FOXP1: variants seen among roughly 807,000 people sequenced by gnomAD.
The protein encoded by FOXP1 is forkhead box protein P1.
FOXP1 carries 15 observed loss-of-function variants against 98.2 expected under a neutral mutation model. The observed-to-expected ratio is 0.15, with a 90% CI of 0.10 to 0.24. The LOEUF (loss-of-function observed/expected upper bound fraction) is 0.24, where lower values mean the gene tolerates loss of function less well. FOXP1 is among the 10% of genes least tolerant of loss of function. FOXP1 has a pLI of 1.00. For synonymous variants in FOXP1, 371 were observed against 314.5 expected (o/e 1.18, Z -1.90); for missense variants, 633 against 848.5 (o/e 0.75, Z 3.15).
chr3:71,559,131 A>C (rs2046362041), intron 2 of FOXP1, among the ~76,000 whole-genome samples: 1 of 152,190 alleles, frequency 6.6e-6, no homozygotes, highest in South Asian at 2.1e-4. Flanking sequence ...TCTGGCTGTT[A>C]ATGGCAGGCA....
At chr3:71,034,548 A>T (rs2047328970) in intron 11 of FOXP1, among the ~76,000 whole-genome samples, 1 of 152,210 alleles carries the variant, frequency 6.6e-6, no homozygotes, top group South Asian at 2.1e-4. Flanking sequence ...AAATAAAAAT[A>T]AAAAATAAAA....
chr3:71,464,186 G>A (rs1000169343), intron 3 of FOXP1, among the ~76,000 whole-genome samples: 2 of 152,150 alleles, frequency 1.3e-5, no homozygotes, highest in Non-Finnish European at 1.5e-5. Context: ...TGAAGTGGGC[G>A]GATCAACTGA....
chr3:71,472,765 C>T (rs2089478320), intron 3 of FOXP1, among the ~76,000 whole-genome samples: 1 of 152,140 alleles, frequency 6.6e-6, no homozygotes. Context: ...GGTTTTTCCC[C>T]CAAAGTGAGA....
At chr3:71,032,057 C>T (rs987280542) in intron 11 of FOXP1, among the ~76,000 whole-genome samples, 2 of 152,232 alleles carry the variant, frequency 1.3e-5, no homozygotes, top group African/African-American at 4.8e-5. Context: ...TAACTCAGAT[C>T]TACAATAAAA....
intron 3 of FOXP1, among the ~76,000 whole-genome samples, chr3:71,437,190 C>T (rs1033077209): frequency 4.6e-5 from 7 of 152,044 alleles, no homozygotes; most frequent in African/African-American, 1.7e-4. Context: ...GCAGATTGCT[C>T]GAGCCTAGGA....
At chr3:71,237,397 C>T (rs2066891734) in intron 5 of FOXP1, among the ~76,000 whole-genome samples, 1 of 151,896 alleles carries the variant, frequency 6.6e-6, no homozygotes, top group Admixed American at 6.6e-5. Context: ...ATATTTTATA[C>T]ATATGGCCTA....
intron 12 of FOXP1, among the ~76,000 whole-genome samples, chr3:71,012,008 C>A (rs966711189): frequency 2.0e-5 from 3 of 152,076 alleles, no homozygotes; most frequent in South Asian, 4.2e-4. Flanking sequence ...ACAAATGAAC[C>A]TATGATTTGA....
chr3:71,422,554 C>A (rs1391698859), intron 3 of FOXP1, among the ~76,000 whole-genome samples: 3 of 152,218 alleles, frequency 2.0e-5, no homozygotes, highest in South Asian at 2.1e-4. Flanking sequence ...GGAGAGCCCA[C>A]AACTGAAAAC....
chr3:71,389,041 C>G (rs1440742639), intron 3 of FOXP1, among the ~76,000 whole-genome samples: 1 of 151,946 alleles, frequency 6.6e-6, no homozygotes, highest in East Asian at 1.9e-4. Flanking sequence ...GAATCTTTAT[C>G]TCTATCATTA....
chr3:70,960,788 TAGCAC>T (rs1164635400), intron 20 of FOXP1, among the ~76,000 whole-genome samples: 1 of 151,892 alleles, frequency 6.6e-6, no homozygotes, highest in African/African-American at 2.4e-5. Context: ...ACTCTAAAAT[TAGCAC>T]AGCCTAGAGA....
chr3:71,521,893 A>G (rs1452575164), intron 2 of FOXP1, among the ~76,000 whole-genome samples: 1 of 152,194 alleles, frequency 6.6e-6, no homozygotes, highest in African/African-American at 2.4e-5. Flanking sequence ...TGGACTTTTA[A>G]GCACATCACT....
At chr3:71,479,507 C>T (rs752729269) in intron 3 of FOXP1, among the ~76,000 whole-genome samples, 44 of 151,410 alleles carry the variant, frequency 2.9e-4, no homozygotes, top group Non-Finnish European at 5.5e-4. Context: ...GTTGAAACTC[C>T]GTCTCTACTA....
At chr3:71,390,823 G>C (rs2108120838) in intron 3 of FOXP1, among the ~76,000 whole-genome samples, 1 of 152,260 alleles carries the variant, frequency 6.6e-6, no homozygotes, top group South Asian at 2.1e-4. Flanking sequence ...AAATTCTTGT[G>C]CAGTGCCGTG....
chr3:71,257,430 T>C (rs2068721488), intron 5 of FOXP1, among the ~76,000 whole-genome samples: 1 of 151,490 alleles, frequency 6.6e-6, no homozygotes, highest in Admixed American at 6.6e-5. Flanking sequence ...ATAAAAAAAA[T>C]AAAAAATAGC....
At chr3:71,408,687 T>C (rs189308223) in intron 3 of FOXP1, among the ~76,000 whole-genome samples, 26 of 152,336 alleles carry the variant, frequency 1.7e-4, no homozygotes, top group Middle Eastern at 3.4e-3. Context: ...ACTTTCTCTT[T>C]TTCACAGCAT....
chr3:71,053,858 C>G, intron 7 of FOXP1, 85 bp from the exon 8 acceptor site: 1 of 1,501,982 alleles, frequency 6.7e-7, no homozygotes, highest in South Asian at 1.2e-5. Flanking sequence ...TGCCATCAGC[C>G]TGCTTAAAGA....
At chr3:70,965,260 C>T (rs2034506031) in intron 20 of FOXP1, among the ~76,000 whole-genome samples, 1 of 152,240 alleles carries the variant, frequency 6.6e-6, no homozygotes, top group Non-Finnish European at 1.5e-5. Context: ...CTCCGCCTTT[C>T]CTGTGGTTTG....
intron 4 of FOXP1, among the ~76,000 whole-genome samples, chr3:71,300,874 C>T (rs950945621): frequency 8.5e-5 from 13 of 152,162 alleles, no homozygotes; most frequent in African/African-American, 3.1e-4. Flanking sequence ...TATATCCCTG[C>T]TCATCCCTCT....
At chr3:71,488,373 C>T (rs1167787734) in intron 3 of FOXP1, among the ~76,000 whole-genome samples, 1 of 152,118 alleles carries the variant, frequency 6.6e-6, no homozygotes, top group Non-Finnish European at 1.5e-5. Flanking sequence ...AAATTTGACA[C>T]AGGGATGGGC....
Sources: gnomAD v4.1 joint callset for allele counts (sites outside exome capture counted in the v4.1 genomes callset) on GRCh38, gnomAD v4.1.1 for gene constraint, MANE v1.5 for transcripts, NCBI Gene and HGNC (gene_info 2026-07-23, HGNC 2026-07-21) for gene names.